Variants in FRMD3 observed in about 807,000 individuals in gnomAD.
FRMD3 encodes the protein FERM domain-containing protein 3.
FRMD3 carries 33 observed loss-of-function variants against 70.2 expected under a neutral mutation model. The ratio of observed to expected loss-of-function variants is 0.47; its 90% confidence interval spans 0.36 to 0.63. The LOEUF is 0.63. Ranked by LOEUF, FRMD3 falls within the 20% of genes least tolerant of loss-of-function variation. The pLI is 0.00. For synonymous variants in FRMD3, 279 were observed against 255.9 expected (o/e 1.09, Z -0.86); for missense variants, 632 against 711.4 (o/e 0.89, Z 1.27).
At chr9:83,319,774 T>C (rs1168682034) in intron 6 of FRMD3, among the ~76,000 whole-genome samples, 1 of 152,218 alleles carries the variant, frequency 6.6e-6, no homozygotes, top group Non-Finnish European at 1.5e-5. Context: ...GTTTTAAAAA[T>C]GAGAGTTTCT....
chr9:83,527,859 C>T (rs1829717186), intron 1 of FRMD3, among the ~76,000 whole-genome samples: 1 of 152,184 alleles, frequency 6.6e-6, no homozygotes, highest in Non-Finnish European at 1.5e-5. Context: ...CCGCATCTGG[C>T]TCTCTGCTAC....
At chr9:83,547,651 A>C in the FRMD3 span, among the ~76,000 whole-genome samples, 1 of 152,150 alleles carries the variant, frequency 6.6e-6, no homozygotes, top group Non-Finnish European at 1.5e-5. Flanking sequence ...ATCAACAAAG[A>C]AACTCTGGAC....
Position 83,476,656 on chromosome 9 carries a change from G to A in FRMD3, c.147+61429C>T, listed in dbSNP as rs145255961. Among the ~76,000 whole-genome samples the A allele has an allele frequency of 5.9e-3, 896 of 152,272 alleles. 7 individuals carry two copies. Among genetic ancestry groups the A allele is most frequent in the African/African-American group, 0.02 (815 of 41,560 alleles). ...TGAGGCCACCATGGGAAAATGTACC[G>A]CAGGAAAGAAGGGTCAATAAACTAA... On this transcript the variant is annotated intron_variant, in intron 1 of 13. Transcript: ENST00000304195.
At chr9:83,475,363 T>C (rs1459517112) in intron 1 of FRMD3, among the ~76,000 whole-genome samples, 1 of 152,066 alleles carries the variant, frequency 6.6e-6, no homozygotes, top group Non-Finnish European at 1.5e-5. Context: ...AAGAATGCTA[T>C]AGATGGGTTA....
In FRMD3 at chr9:83,537,055, A is replaced by C. The variant is rs1462051945; in HGVS notation, c.147+1030T>G. ...TAGAAGTCAGAAGTTAATTGTGCTG[A>C]GCCCTGACACAACCTTTCCTGATTG... On this transcript the variant is annotated intron_variant, in intron 1 of 13. Transcript: ENST00000304195. This position sits in a 1 kb window ranked among gnomAD's most constrained non-coding sequence, Gnocchi z 4.1. Among the ~76,000 whole-genome samples the C allele has an allele frequency of 1.3e-5, 2 of 151,954 alleles. No homozygotes were observed. Among genetic ancestry groups the C allele is most frequent in the Non-Finnish European group, 2.9e-5 (2 of 68,006 alleles).
Position 83,462,593 on chromosome 9 carries a change from G to A in FRMD3, c.148-72885C>T, listed in dbSNP as rs149408749. ...TTGTTTCCATGGTAACCGCTTTCCA[G>A]GTTCCTGGAATCTCCCTCCTCTTAC... On this transcript the variant is annotated intron_variant, in intron 1 of 13. Coordinates refer to ENST00000304195, the MANE Select transcript of FRMD3 (RefSeq NM_174938.6). Among the ~76,000 whole-genome samples, 219 of 152,196 alleles carry A rather than the reference G, an allele frequency of 1.4e-3. 3 individuals carry two copies. In the East Asian group the frequency reaches 0.038, roughly 26 times the overall value.
At chr9:83,289,043 A>G (rs543455974) in intron 13 of FRMD3, among the ~76,000 whole-genome samples, 1 of 152,162 alleles carries the variant, frequency 6.6e-6, no homozygotes, top group Non-Finnish European at 1.5e-5. Context: ...TTTCTTCTCT[A>G]TTAGCCACAC....
chr9:83,252,691 A>G (rs577799283), intron 13 of FRMD3, among the ~76,000 whole-genome samples: 8 of 152,348 alleles, frequency 5.3e-5, no homozygotes, highest in Admixed American at 1.3e-4. Context: ...AAGCAAATGG[A>G]AAACAGAAAA....
Position 83,508,470 on chromosome 9 carries a change from A to G in FRMD3, c.147+29615T>C, listed in dbSNP as rs1055101267. On this transcript the variant is annotated intron_variant, in intron 1 of 13. Transcript: ENST00000304195. ...TAGTTTATAGATTATTCTTTTGACT[A>G]TTGTTAACAAATGGTTTGTGAGTGC... Among the ~76,000 whole-genome samples the G allele has an allele frequency of 5.3e-5, 8 of 152,328 alleles. No individual in the cohort carries two copies. The South Asian group carries it at 1.4e-3, about 28-fold the overall frequency.
chr9:83,518,070 A>G (rs1829492096), intron 1 of FRMD3, among the ~76,000 whole-genome samples: 1 of 152,254 alleles, frequency 6.6e-6, no homozygotes, highest in Admixed American at 6.5e-5. Context: ...ATTCCCTTTG[A>G]AAACCTGCCC....
intron 1 of FRMD3, among the ~76,000 whole-genome samples, chr9:83,453,865 G>A (rs1024669731): frequency 2.0e-5 from 3 of 151,882 alleles, no homozygotes; most frequent in African/African-American, 7.3e-5. Context: ...ACAGGCGTCT[G>A]CCACCACGCC....
At chr9:83,272,277 T>G (rs529324076) in intron 13 of FRMD3, among the ~76,000 whole-genome samples, 8 of 143,268 alleles carry the variant, frequency 5.6e-5, no homozygotes, top group African/African-American at 1.8e-4. Context: ...CTGGTTTTCG[T>G]TTTTTTTTTT....
At chr9:83,417,954 G>C (rs1015593696) in intron 1 of FRMD3, among the ~76,000 whole-genome samples, 1 of 152,166 alleles carries the variant, frequency 6.6e-6, no homozygotes, top group African/African-American at 2.4e-5. Flanking sequence ...CTGCTTCCTA[G>C]AGAAGTTACA....
chr9:83,329,327 C>A (rs1836150663), intron 6 of FRMD3, among the ~76,000 whole-genome samples: 1 of 152,158 alleles, frequency 6.6e-6, no homozygotes, highest in Admixed American at 6.5e-5. Flanking sequence ...GGAAATGATA[C>A]AGGGAGAGAG....
intron 1 of FRMD3, among the ~76,000 whole-genome samples, chr9:83,472,080 A>C (rs1828282394): frequency 6.7e-6 from 1 of 149,060 alleles, no homozygotes. Context: ...CTAGGGTGCT[A>C]CCAGAGATGC....
At chr9:83,552,472 T>C in the FRMD3 span, among the ~76,000 whole-genome samples, 2 of 152,206 alleles carry the variant, frequency 1.3e-5, no homozygotes, top group East Asian at 3.9e-4. Context: ...AAGACTTCTA[T>C]AAAGGTCTAT....
the FRMD3 span, among the ~76,000 whole-genome samples, chr9:83,554,206 C>T: frequency 1.3e-5 from 2 of 152,170 alleles, no homozygotes; most frequent in Non-Finnish European, 2.9e-5. Flanking sequence ...TAGACTCTTG[C>T]TTAATTGTGT....
At chr9:83,544,475 AGGCCAGATAATT>A in the FRMD3 span, among the ~76,000 whole-genome samples, 2 of 152,190 alleles carry the variant, frequency 1.3e-5, no homozygotes, top group Non-Finnish European at 2.9e-5. Context: ...TGTATTCCAC[AGGCCAGATAATT>A]GCCTGTGACA....
chr9:83,390,241 T>C (rs76339101), intron 1 of FRMD3, among the ~76,000 whole-genome samples: 2,914 of 152,322 alleles, frequency 0.019, 98 homozygotes, highest in African/African-American at 0.066. Flanking sequence ...GGACAGGATT[T>C]GAGCCAGGCC....
Sources: gnomAD v4.1 joint callset for allele counts (sites outside exome capture counted in the v4.1 genomes callset) on GRCh38, gnomAD v4.1.1 for gene constraint, Gnocchi (gnomAD v3.1) non-coding constraint, MANE v1.5 for transcripts, NCBI Gene and HGNC (gene_info 2026-07-23, HGNC 2026-07-21) for gene names.